The following SLAIN2 variants were observed in gnomAD, a reference collection of about 807,000 sequenced individuals.
The protein encoded by SLAIN2 is SLAIN motif-containing protein 2.
In SLAIN2, 31 loss-of-function variants were observed where a neutral mutation model predicts 56.6. The ratio of observed to expected loss-of-function variants is 0.55; its 90% CI spans 0.41 to 0.74. SLAIN2 has a LOEUF of 0.74. SLAIN2 is among the 30% of genes least tolerant of loss of function. The pLI, the probability that SLAIN2 is intolerant of heterozygous loss-of-function variation, is 0.00. For missense variants in SLAIN2, 777 were observed against 754.2 expected (o/e 1.03, Z -0.35); for synonymous variants, 317 against 284.9 (o/e 1.11, Z -1.13).
chr4:48,356,747 TC>T (rs770766448), intron 1 of SLAIN2, among the ~76,000 whole-genome samples: 1 of 152,152 alleles, frequency 6.6e-6, no homozygotes, highest in African/African-American at 2.4e-5. Flanking sequence ...TAGTGACACT[TC>T]AAGGAATATC....
chr4:48,369,712 G>A (rs1261102778), intron 1 of SLAIN2, 137 bp from the exon 2 acceptor site: 2 of 703,694 alleles, frequency 2.8e-6, no homozygotes, highest in South Asian at 3.0e-5. Context: ...TGTGCAGTAA[G>A]TAAATGTGGG....
intron 6 of SLAIN2, among the ~76,000 whole-genome samples, chr4:48,414,699 C>T (rs1174913220): frequency 3.6e-5 from 4 of 110,876 alleles, no homozygotes; most frequent in African/African-American, 1.4e-4. Context: ...CCAATGCTAT[C>T]CCTCCCCCCT....
chr4:48,380,384 C>G (rs1715940079), intron 4 of SLAIN2, among the ~76,000 whole-genome samples: 1 of 152,026 alleles, frequency 6.6e-6, no homozygotes, highest in Non-Finnish European at 1.5e-5. Flanking sequence ...TTTTTGCCCT[C>G]TTGGGAATGA....
intron 7 of SLAIN2, among the ~76,000 whole-genome samples, chr4:48,420,946 TC>T (rs1288294274): frequency 1.3e-5 from 2 of 152,150 alleles, no homozygotes; most frequent in Non-Finnish European, 2.9e-5. Flanking sequence ...ACTTAGTAGA[TC>T]TGTTATGAGG....
intron 6 of SLAIN2, among the ~76,000 whole-genome samples, chr4:48,409,379 T>G (rs1228050460): frequency 1.3e-5 from 2 of 152,164 alleles, no homozygotes; most frequent in African/African-American, 4.8e-5. Flanking sequence ...CTTAAATCAC[T>G]TAGGTTTGCA....
At chr4:48,381,026 T>C (rs1202953268) in intron 4 of SLAIN2, among the ~76,000 whole-genome samples, 1 of 152,214 alleles carries the variant, frequency 6.6e-6, no homozygotes, top group African/African-American at 2.4e-5. Context: ...TCTGTAATTT[T>C]AATTAACTCC....
chr4:48,365,342 C>T lies in SLAIN2; in HGVS notation c.390-4507C>T, dbSNP rs543771648. ...AAAACTAGTTGGGCGTGGTGGCGGG[C>T]ACCTGTAATCCTAGCTACTCGGGAG... is the stretch of plus-strand genomic sequence containing the variant. On this transcript the variant is annotated intron_variant, in intron 1 of 7. Transcript: ENST00000264313. Among the ~76,000 whole-genome samples the T allele has an allele frequency of 1.8e-4, 26 of 147,298 alleles. No homozygotes were observed. The South Asian group carries it at 5.6e-3, about 32-fold the overall frequency.
At chr4:48,377,697 A>G (rs1375154514) in intron 2 of SLAIN2, among the ~76,000 whole-genome samples, 199 bp from the exon 3 acceptor site, 4 of 152,104 alleles carry the variant, frequency 2.6e-5, no homozygotes, top group African/African-American at 9.7e-5. Context: ...TGATGTGGCT[A>G]CTGTTTTATT....
chr4:48,373,379 G>T (rs1454656426), intron 2 of SLAIN2, among the ~76,000 whole-genome samples: 2 of 152,066 alleles, frequency 1.3e-5, no homozygotes, highest in East Asian at 3.9e-4. Context: ...GGTTGCCCCA[G>T]ATCTCTCTTT....
intron 1 of SLAIN2, among the ~76,000 whole-genome samples, chr4:48,342,711 C>CTTTTTTGTT (rs1714751462): frequency 1.5e-5 from 1 of 65,938 alleles, no homozygotes; most frequent in Non-Finnish European, 2.6e-5. Flanking sequence ...GATGGTGCTG[C>CTTTTTTGTT]TTTTTTTTTT....
rs568440426 is a variant in SLAIN2, at chr4:48,383,698, T to C, written c.1274T>C (p.Val425Ala). ...CTGTCCCGAACATCTAATACACAAG[T>C]TGACTCAGTGAAAAGCAGCAGAAGT... is the stretch of plus-strand genomic sequence containing the variant. ...PNLSRTSNTQVDSVKSSRSDS... is the reference protein window; with the variant it reads ...PNLSRTSNTQADSVKSSRSDS... Residue 425 changes from valine (V) to alanine (A), a missense_variant, in exon 6 of 8, where the codon GTT becomes GCT. Coordinates refer to ENST00000264313, the MANE Select transcript of SLAIN2 (RefSeq NM_020846.2). 2 of 1,610,258 alleles carry C rather than the reference T, an allele frequency of 1.2e-6. No individual in the cohort carries two copies. Among genetic ancestry groups the C allele is most frequent in the African/African-American group, 2.7e-5 (2 of 75,024 alleles).
At chr4:48,400,808 C>A (rs1716531951) in intron 6 of SLAIN2, among the ~76,000 whole-genome samples, 2 of 151,654 alleles carry the variant, frequency 1.3e-5, no homozygotes, top group Admixed American at 1.3e-4. Context: ...TTTCTTGTCT[C>A]TATCTCCTTC....
At chr4:48,371,128 T>C (rs1157135250) in intron 2 of SLAIN2, among the ~76,000 whole-genome samples, 1 of 150,882 alleles carries the variant, frequency 6.6e-6, no homozygotes, top group Non-Finnish European at 1.5e-5. Context: ...TTTTTTGATA[T>C]GGAGTCTCAC....
At chr4:48,394,417 T>C (rs1716324492) in intron 6 of SLAIN2, among the ~76,000 whole-genome samples, 1 of 152,272 alleles carries the variant, frequency 6.6e-6, no homozygotes, top group Non-Finnish European at 1.5e-5. Context: ...AGCATCACTT[T>C]AAAATTCTTT....
chr4:48,362,765 TTA>T (rs1401886314), intron 1 of SLAIN2, among the ~76,000 whole-genome samples: 3 of 142,316 alleles, frequency 2.1e-5, no homozygotes, highest in African/African-American at 7.8e-5. Context: ...TTTTTTTTTT[TTA>T]AATTTATTTT....
At chr4:48,362,541 C>T (rs1715356055) in intron 1 of SLAIN2, among the ~76,000 whole-genome samples, 1 of 150,102 alleles carries the variant, frequency 6.7e-6, no homozygotes, top group Non-Finnish European at 1.5e-5. Flanking sequence ...GCCTCAGCCT[C>T]CCAAGTAGCT....
intron 6 of SLAIN2, among the ~76,000 whole-genome samples, chr4:48,395,893 C>T (rs1191563051): frequency 5.2e-5 from 7 of 134,502 alleles, no homozygotes; most frequent in African/African-American, 5.8e-5. Flanking sequence ...AAACATGAAC[C>T]TGAAAACACT....
chr4:48,357,062 A>G (rs1422011391), intron 1 of SLAIN2, among the ~76,000 whole-genome samples: 2 of 151,442 alleles, frequency 1.3e-5, no homozygotes, highest in Non-Finnish European at 2.9e-5. Context: ...GCTAATAATT[A>G]TTAGTATTAT....
At chr4:48,412,955 C>T (rs74331110) in intron 6 of SLAIN2, among the ~76,000 whole-genome samples, 4,275 of 152,080 alleles carry the variant, frequency 0.028, 67 homozygotes, top group Admixed American at 0.046. Context: ...TGGCCAGACA[C>T]GGTGGCTCAC....
Sources: gnomAD v4.1 joint callset for allele counts (sites outside exome capture counted in the v4.1 genomes callset) on GRCh38, gnomAD v4.1.1 for gene constraint, MANE v1.5 for transcripts, NCBI Gene and HGNC (gene_info 2026-07-23, HGNC 2026-07-21) for gene names.